The following MUC4 variants were observed in gnomAD, a reference collection of about 807,000 sequenced individuals.
MUC4 encodes the protein mucin-4.
MUC4 carries 202 observed loss-of-function variants against 257.9 expected under a neutral mutation model. That is an observed-to-expected ratio of 0.78 (90% CI 0.70 to 0.88). MUC4 has a LOEUF of 0.88. Ranked by LOEUF, MUC4 falls within the 40% of genes least tolerant of loss-of-function variation. The pLI, the probability that MUC4 is intolerant of heterozygous loss-of-function variation, is 0.00. For synonymous variants in MUC4, 2,351 were observed against 2,757.1 expected, an observed-to-expected ratio of 0.85 and a Z score of 4.62; for missense variants, 5,976 against 6,513.7, an observed-to-expected ratio of 0.92 and a Z score of 2.84.
chr3:195,754,493 C>T, intron 18 of MUC4, 121 bp from the exon 19 acceptor site: 1 of 1,265,474 alleles, frequency 7.9e-7, no homozygotes, highest in South Asian at 1.5e-5. Flanking sequence ...CTCAGCCCCA[C>T]CAGCACCTGC....
chr3:195,751,718 CGTGTGGA>C (rs1187174308), intron 21 of MUC4: 11 of 249,710 alleles, frequency 4.4e-5, no homozygotes, highest in African/African-American at 1.3e-4. Context: ...CAGATTTTAC[CGTGTGGA>C]GTGTGGAGTG....
At chr3:195,770,443 C>T in intron 5 of MUC4, 72 bp from the exon 6 acceptor site, 1 of 1,568,736 alleles carries the variant, frequency 6.4e-7, no homozygotes, top group Non-Finnish European at 8.7e-7. Flanking sequence ...CCACTTTCTG[C>T]CTGAGGACCC....
chr3:195,767,713 GGCCACCA>G (rs1560263919), intron 7 of MUC4, among the ~76,000 whole-genome samples: 9 of 1,476 alleles, frequency 6.1e-3, no homozygotes, highest in South Asian at 0.036. Context: ...TACCACCATC[GGCCACCA>G]CCACCATCAC....
At chr3:195,759,834 G>A (rs2550273) in intron 16 of MUC4, among the ~76,000 whole-genome samples, 94,147 of 151,530 alleles carry the variant, frequency 0.62, 30,512 homozygotes, top group East Asian at 0.8. Flanking sequence ...CAGAAGAATC[G>A]CTTGAACCCG....
chr3:195,755,592 G>A lies in MUC4; in HGVS notation c.15169-1220C>T, dbSNP rs773158946. 6.6e-5 allele frequency among the ~76,000 whole-genome samples: 10 copies of A among 151,834 alleles called. No homozygotes were observed. The highest frequency in any genetic ancestry group is 1.3e-4 in the Admixed American group (2 of 15,240). Reference sequence around the variant, plus strand: ...AGTACAGCAGCTCAGCAAAGGCTGCGGCGCCGAGACCTCACCAAGCTCCCT... The same window carrying A: ...AGTACAGCAGCTCAGCAAAGGCTGCAGCGCCGAGACCTCACCAAGCTCCCT... On this transcript the variant is annotated intron_variant, in intron 18 of 24. Coordinates refer to ENST00000463781, the MANE Select transcript of MUC4 (RefSeq NM_018406.7). The surrounding 1 kb of genome is among the most constrained non-coding windows in gnomAD (Gnocchi z 5.0).
chr3:195,763,386 G>A, intron 12 of MUC4, 47 bp downstream of exon 12: 1 of 1,387,976 alleles, frequency 7.2e-7, no homozygotes, highest in Non-Finnish European at 9.4e-7. Context: ...GTGGCTGAAG[G>A]TCCCTGTGGG....
intron 3 of MUC4, among the ~76,000 whole-genome samples, chr3:195,776,546 A>ACACCCATACCTTCCG (rs1560286956): frequency 1.9e-3 from 5 of 2,598 alleles, no homozygotes; most frequent in African/African-American, 0.012. Context: ...CATACCTTCC[A>ACACCCATACCTTCCG]CACCCATACC....
chr3:195,790,540 A>G lies in MUC4; in HGVS notation c.1040T>C (p.Val347Ala). ...QINTLNTLTP[V>A]TTSTVLSSPS... ...TGAGGATAAAACAGTTGATGTTGTA[A>G]CCGGTGTGAGGGTGTTGAGGGTGTT... is the stretch of plus-strand genomic sequence containing the variant. The change falls in exon 2 of 25, where the codon GTT becomes GCT. Residue 347 changes from valine (V) to alanine (A), a missense_variant. Physicochemically the swap from Val to Ala is moderately conservative, Grantham distance 64 (BLOSUM62 0). Transcript: ENST00000463781. 1 of 1,613,940 alleles carries G rather than the reference A, an allele frequency of 6.2e-7. No homozygotes were observed. Among genetic ancestry groups the G allele is most frequent in the Non-Finnish European group, 8.5e-7 (1 of 1,179,876 alleles).
rs56897401 is a variant in MUC4 at position 195,799,229 on chromosome 3, C to CTGTGTGTG, written c.83-7740_83-7733dup. Among the ~76,000 whole-genome samples the CTGTGTGTG allele has an allele frequency of 6.5e-3, 777 of 120,174 alleles. 10 individuals carry two copies. Among genetic ancestry groups the CTGTGTGTG allele is most frequent in the African/African-American group, 0.019 (710 of 37,994 alleles). The allele number at this position is 120,174 out of a possible 152,430, so 78.8% of individuals were successfully genotyped here. ...GTGTTGCTAGTATGTATGTGTGACA[C>CTGTGTGTG]TGTGTGTGTGTGTGTGTGTGTGTGT... is the stretch of plus-strand genomic sequence containing the variant. On this transcript the variant is annotated intron_variant, in intron 1 of 24. Transcript: ENST00000463781.
intron 11 of MUC4, 143 bp from the exon 12 acceptor site, chr3:195,763,784 C>T (rs912771043): frequency 3.4e-5 from 35 of 1,039,204 alleles, no homozygotes; most frequent in East Asian, 8.0e-5. Flanking sequence ...CTTGTCCGGG[C>T]GGACTCAGCT....
At chr3:195,770,640 C>T (rs1265522310) in intron 5 of MUC4, 5 of 540,952 alleles carry the variant, frequency 9.2e-6, no homozygotes, top group Non-Finnish European at 1.7e-5. Context: ...TTAGCTCAAA[C>T]TGGCCCAGAG....
chr3:195,767,501 C>CCACCACCACCACCACCACCAT (rs1560260903), intron 7 of MUC4, among the ~76,000 whole-genome samples: 2 of 143,476 alleles, frequency 1.4e-5, no homozygotes, highest in African/African-American at 5.3e-5. Context: ...ATCACCATCA[C>CCACCACCACCACCACCACCAT]CACCACCATC....
At chr3:195,761,176 TC>T in intron 15 of MUC4, 59 bp from the exon 16 acceptor site, 1 of 1,491,060 alleles carries the variant, frequency 6.7e-7, no homozygotes, top group Non-Finnish European at 9.3e-7. Context: ...TCCATCTGTG[TC>T]CACCTCTACC....
chr3:195,799,249 G>GTT (rs1182121937), intron 1 of MUC4, among the ~76,000 whole-genome samples: 1 of 122,714 alleles, frequency 8.1e-6, no homozygotes, highest in Non-Finnish European at 1.9e-5. Context: ...GTGTGTGTGT[G>GTT]TGTGTGTGTG....
rs1717076919 is a variant in MUC4, at chr3:195,754,302, T to A, written c.15239A>T (p.Glu5080Val). Residue 5080 changes from glutamate to valine, a missense_variant, in exon 19 of 25, where the codon GAG (glutamate) becomes GTG (valine). Around this residue, in one of 44 missense-constraint regions of MUC4, gnomAD observed 996 missense variants for 1,137.3 expected, o/e 0.88. Transcript: ENST00000463781. ...YCEGSEDACEEPCFPSVHCVP... is the reference protein window; with the variant it reads ...YCEGSEDACEVPCFPSVHCVP... ...GCAGTGGACACTCGGGAAGCACGGC[T>A]CCTCACAGGCATCCTCGGAGCCCTC... 1 of 1,613,526 alleles carries A rather than the reference T, an allele frequency of 6.2e-7. No individual in the cohort carries two copies. Among genetic ancestry groups the A allele is most frequent in the South Asian group, 1.1e-5 (1 of 91,024 alleles).
intron 1 of MUC4, among the ~76,000 whole-genome samples, chr3:195,798,401 C>T (rs2149059980): frequency 6.6e-6 from 1 of 152,196 alleles, no homozygotes; most frequent in Admixed American, 6.5e-5. Flanking sequence ...TGTTTTTATG[C>T]TTTAAAAAAT....
At chr3:195,808,869 C>A (rs1177983382) in intron 1 of MUC4, among the ~76,000 whole-genome samples, 1 of 152,108 alleles carries the variant, frequency 6.6e-6, no homozygotes, top group Non-Finnish European at 1.5e-5. Context: ...GTTGAGGTGG[C>A]CTGTCCCAGA....
At chr3:195,811,631 T>G (rs898457565) in intron 1 of MUC4, 105 bp downstream of exon 1, 1 of 192,844 alleles carries the variant, frequency 5.2e-6, no homozygotes, top group African/African-American at 2.5e-5. Flanking sequence ...TTTCCCCTAT[T>G]CTCTCTCTCT....
chr3:195,781,278 G>C lies in MUC4; in HGVS notation c.10302C>G (p.Ser3434=). The C allele has an allele frequency of 1.4e-6, 2 of 1,415,328 alleles. No individual in the cohort carries two copies. Among genetic ancestry groups the C allele is most frequent in the South Asian group, 1.3e-5 (1 of 74,422 alleles). The allele number at this position is 1,415,328 out of a possible 1,614,324, so 87.7% of individuals were successfully genotyped here. ...CAGGAACAGGGGTGGCGTGACCGGT[G>C]GATGCTGAGGAAGTGCTGGTGACAG... is the stretch of plus-strand genomic sequence containing the variant. The part of the protein sequence containing the change: ...PLPVTSTSSA[S]TGHATPVPVT... The change falls in exon 2 of 25, where the codon TCC becomes TCG. Residue 3434 remains serine, a synonymous_variant. Coordinates refer to ENST00000463781, the MANE Select transcript of MUC4 (RefSeq NM_018406.7).
Sources: allele counts gnomAD v4.1 joint callset (sites outside exome capture counted in the v4.1 genomes callset), GRCh38; gene constraint gnomAD v4.1.1; regional missense constraint gnomAD v4.1.1; non-coding constraint Gnocchi (gnomAD v3.1); transcripts MANE v1.5; gene names NCBI Gene and HGNC (gene_info 2026-07-23, HGNC 2026-07-21).